OPCML: variants seen among roughly 807,000 people sequenced by gnomAD.
The protein encoded by OPCML is opioid binding protein/cell adhesion molecule like.
In OPCML, 13 loss-of-function variants were observed where a neutral mutation model predicts 37.8. The ratio of observed to expected loss-of-function variants is 0.34; its 90% CI spans 0.22 to 0.55. The LOEUF (loss-of-function observed/expected upper bound fraction) is 0.55, where lower values mean the gene tolerates loss of function less well. OPCML is among the 20% of genes least tolerant of loss of function. OPCML has a pLI of 0.91. For missense variants in OPCML, 341 were observed against 435.6 expected, an observed-to-expected ratio of 0.78 and a Z score of 1.93; for synonymous variants, 176 against 168.8, an observed-to-expected ratio of 1.04 and a Z score of -0.33.
intron 2 of OPCML, among the ~76,000 whole-genome samples, chr11:132,941,084 CT>C (rs542950391): frequency 1.1e-3 from 173 of 152,070 alleles, no homozygotes; most frequent in African/African-American, 3.8e-3. Flanking sequence ...GTAAGTTGTT[CT>C]TTTTTTCTGC....
At chr11:132,436,019 T>C in intron 7 of OPCML, 67 bp downstream of exon 7, 1 of 1,536,110 alleles carries the variant, frequency 6.5e-7, no homozygotes, top group Non-Finnish European at 8.8e-7. Context: ...TGCAACTTCC[T>C]CCCTCCTGAG....
chr11:132,839,745 C>T lies in OPCML; in HGVS notation c.146+103181G>A, dbSNP rs184765046. Among the ~76,000 whole-genome samples, 405 of 152,288 alleles carry T rather than the reference C, an allele frequency of 2.7e-3. 2 individuals are homozygous for T. Among genetic ancestry groups the T allele is most frequent in the Non-Finnish European group, 4.5e-3 (309 of 68,020 alleles). The stretch of plus-strand genomic sequence containing the variant: ...GCTGCAACATTGCTATTCTTAGGAG[C>T]AACAGATGCAAATATGGTTGCTTTT... On this transcript the variant is annotated intron_variant, in intron 2 of 7. Transcript: ENST00000524381.
intron 3 of OPCML, among the ~76,000 whole-genome samples, chr11:132,544,360 TTG>T (rs1182514041): frequency 1.2e-4 from 19 of 152,140 alleles, no homozygotes; most frequent in African/African-American, 4.6e-4. Flanking sequence ...TCCCATTCCC[TTG>T]AAAGGTGAGA....
chr11:133,237,213 T>C (rs571111395), intron 1 of OPCML, among the ~76,000 whole-genome samples: 2 of 152,310 alleles, frequency 1.3e-5, no homozygotes, highest in South Asian at 2.1e-4. Flanking sequence ...GGAATTCCTG[T>C]AGACAACATT....
At chr11:132,612,184 T>A (rs1258536770) in intron 3 of OPCML, among the ~76,000 whole-genome samples, 1 of 152,194 alleles carries the variant, frequency 6.6e-6, no homozygotes, top group African/African-American at 2.4e-5. Context: ...AAGAGTTTTC[T>A]CACACTAAGT....
intron 1 of OPCML, among the ~76,000 whole-genome samples, chr11:133,308,294 C>A (rs1942977070): frequency 6.6e-6 from 1 of 151,946 alleles, no homozygotes; most frequent in South Asian, 2.1e-4. Flanking sequence ...AACTGTACAC[C>A]AACATTGTAC....
At position 133,293,898 on chromosome 11, in the gene OPCML, ACACACACAC is replaced by A. The variant is rs1565554559; in HGVS notation, c.61+238357_61+238365del. Among the ~76,000 whole-genome samples the A allele has an allele frequency of 3.3e-3, 468 of 143,058 alleles. 3 individuals are homozygous for A. The highest frequency in any genetic ancestry group is 7.7e-3 in the African/African-American group (296 of 38,504). 93.9% of individuals were successfully genotyped at this position (143,058 alleles called of 152,430 possible). ...TAAAGAAAAAAAAAAAAGACTTCAC[ACACACACAC>A]ACACACACACACACACACACACACA... On this transcript the variant is annotated intron_variant, in intron 1 of 7. Transcript: ENST00000524381.
chr11:133,015,332 G>T (rs1456245973), intron 1 of OPCML, among the ~76,000 whole-genome samples: 2 of 139,730 alleles, frequency 1.4e-5, no homozygotes, highest in Non-Finnish European at 3.1e-5. Flanking sequence ...AGGAAAAAAA[G>T]AAGGAAGGGA....
intron 7 of OPCML, among the ~76,000 whole-genome samples, chr11:132,433,658 T>A (rs2096004557): frequency 6.6e-6 from 1 of 152,176 alleles, no homozygotes; most frequent in Non-Finnish European, 1.5e-5. Context: ...AGGTGGCACC[T>A]ATAGGGAAGT....
chr11:132,761,442 C>G (rs1307176227), intron 2 of OPCML, among the ~76,000 whole-genome samples: 4 of 152,086 alleles, frequency 2.6e-5, no homozygotes, highest in Non-Finnish European at 5.9e-5. Flanking sequence ...TTCATATACA[C>G]CTATCAAACG....
chr11:132,922,012 T>C (rs926361219), intron 2 of OPCML, among the ~76,000 whole-genome samples: 2 of 152,034 alleles, frequency 1.3e-5, no homozygotes, highest in African/African-American at 4.8e-5. Flanking sequence ...CCTGAGTAGC[T>C]GGGATTACAG....
intron 2 of OPCML, among the ~76,000 whole-genome samples, chr11:132,904,564 T>C (rs983825811): frequency 5.9e-5 from 9 of 152,256 alleles, no homozygotes; most frequent in Non-Finnish European, 1.0e-4. Flanking sequence ...CTCTGGGAAC[T>C]GACTATTGCT....
chr11:133,156,464 A>T (rs115077130), intron 1 of OPCML, among the ~76,000 whole-genome samples: 3,508 of 152,256 alleles, frequency 0.023, 140 homozygotes, highest in African/African-American at 0.076. Context: ...ACCTACGCCA[A>T]GAGACCAGCC....
chr11:133,185,943 A>C (rs1370898398), intron 1 of OPCML, among the ~76,000 whole-genome samples: 2 of 152,176 alleles, frequency 1.3e-5, no homozygotes, highest in African/African-American at 4.8e-5. Context: ...ATGTGAGTAC[A>C]ATTTTCCAAG....
intron 1 of OPCML, among the ~76,000 whole-genome samples, chr11:133,484,134 T>TAGAC (rs1947475338): frequency 1.3e-5 from 2 of 149,250 alleles, no homozygotes; most frequent in Admixed American, 6.6e-5. Context: ...GATTGATAGA[T>TAGAC]AGATGATAGA....
chr11:133,008,781 C>A, intron 1 of OPCML: 1 of 557,230 alleles, frequency 1.8e-6, no homozygotes, highest in Non-Finnish European at 2.3e-6. Flanking sequence ...TTCTGATCCA[C>A]TTCCTGTTCA....
intron 1 of OPCML, among the ~76,000 whole-genome samples, chr11:133,200,985 T>G (rs1003865203): frequency 5.9e-5 from 9 of 152,164 alleles, no homozygotes; most frequent in African/African-American, 2.2e-4. Flanking sequence ...TGCAGAAACA[T>G]GGGTTTAGCT....
At chr11:132,579,225 C>T (rs77854782) in intron 3 of OPCML, among the ~76,000 whole-genome samples, 1 of 152,112 alleles carries the variant, frequency 6.6e-6, no homozygotes, top group African/African-American at 2.4e-5. Context: ...CAATCAAGAA[C>T]TCCTGGGCAC....
intron 2 of OPCML, among the ~76,000 whole-genome samples, chr11:132,691,536 A>C (rs894851138): frequency 1.3e-5 from 2 of 152,206 alleles, no homozygotes; most frequent in Non-Finnish European, 2.9e-5. Context: ...CATTTTTAAA[A>C]TGTAGGATAA....
Sources: gnomAD v4.1 joint callset for allele counts (sites outside exome capture counted in the v4.1 genomes callset) on GRCh38, gnomAD v4.1.1 for gene constraint, MANE v1.5 for transcripts, NCBI Gene and HGNC (gene_info 2026-07-23, HGNC 2026-07-21) for gene names.